Variants in HERC2 observed in about 807,000 individuals in gnomAD.
HERC2 encodes the protein HECT and RLD domain containing E3 ubiquitin protein ligase 2, also known as E3 ubiquitin-protein ligase HERC2.
HERC2 carries 102 observed loss-of-function variants against 537.7 expected under a neutral mutation model. That is an observed-to-expected ratio of 0.19 (90% CI 0.16 to 0.22). HERC2 has a LOEUF of 0.22. HERC2 is among the 10% of genes least tolerant of loss of function. The pLI is 1.00. For missense variants in HERC2, 4,236 were observed against 6,198.2 expected, an observed-to-expected ratio of 0.68 and a Z score of 10.63; for synonymous variants, 2,224 against 2,466.2, an observed-to-expected ratio of 0.90 and a Z score of 2.91.
At chr15:28,287,156 G>T (rs58764974) in intron 4 of HERC2, among the ~76,000 whole-genome samples, 12,888 of 152,068 alleles carry the variant, frequency 0.085, 1,005 homozygotes, top group East Asian at 0.42. Flanking sequence ...CTAAGCAAAA[G>T]AAAAAACAAA....
intron 21 of HERC2, among the ~76,000 whole-genome samples, chr15:28,248,308 C>T (rs987227479): frequency 6.6e-6 from 1 of 152,150 alleles, no homozygotes; most frequent in African/African-American, 2.4e-5. Context: ...CTAAACTGAA[C>T]ATACAGGATG....
At chr15:28,287,740 G>GTTTTTTTTTTTTTTTTTTTTTT (rs1461307820) in intron 4 of HERC2, among the ~76,000 whole-genome samples, 8 of 141,048 alleles carry the variant, frequency 5.7e-5, no homozygotes, top group Non-Finnish European at 7.5e-5. Flanking sequence ...TTTTTTTTTG[G>GTTTTTTTTTTTTTTTTTTTTTT]TTTGAGATGG....
chr15:28,279,651 A>ACACACACACACACACACACACAC (rs2075971136), intron 5 of HERC2, among the ~76,000 whole-genome samples: 2 of 150,944 alleles, frequency 1.3e-5, no homozygotes, highest in African/African-American at 4.9e-5. Flanking sequence ...ACACACACAC[A>ACACACACACACACACACACACAC]AATTGTTTTT....
At chr15:28,135,107 T>C (rs1890498493) in intron 79 of HERC2, among the ~76,000 whole-genome samples, 2 of 152,184 alleles carry the variant, frequency 1.3e-5, no homozygotes, top group African/African-American at 4.8e-5. Context: ...ATGGTGTCAA[T>C]TGTGCGTTCT....
intron 70 of HERC2, among the ~76,000 whole-genome samples, chr15:28,152,305 G>C (rs1251879011): frequency 4.6e-5 from 7 of 152,196 alleles, no homozygotes; most frequent in Non-Finnish European, 7.3e-5. Context: ...ATATACACGT[G>C]GGTAACAGAA....
intron 83 of HERC2, 117 bp downstream of exon 83, chr15:28,130,045 CA>C: frequency 7.8e-7 from 1 of 1,281,716 alleles, no homozygotes; most frequent in Non-Finnish European, 1.1e-6. Context: ...AGTGCTGGGG[CA>C]ACAGGAGTGA....
At position 28,292,869 on chromosome 15, in the gene HERC2, C is replaced by T; in HGVS notation, c.322+19G>A. 1.9e-6 allele frequency: 3 copies of T among 1,606,782 alleles called. No individual in the cohort carries two copies. The highest frequency in any genetic ancestry group is 2.5e-6 in the Non-Finnish European group (3 of 1,178,898). ...GCGTCAGATCAACCTTTCCAAAGTGCCAAAATTCACAAGATTACCTGGTTG... is the reference window on the plus strand; with the variant it reads ...GCGTCAGATCAACCTTTCCAAAGTGTCAAAATTCACAAGATTACCTGGTTG... On this transcript the variant is annotated intron_variant, in intron 4 of 92. Coordinates refer to ENST00000261609, the MANE Select transcript of HERC2 (RefSeq NM_004667.6).
Position 28,178,870 on chromosome 15 carries a change from T to G in HERC2, c.9163+17A>C, listed in dbSNP as rs1279842716. The G allele has an allele frequency of 6.2e-7, 1 of 1,610,232 alleles. No homozygotes were observed. Among genetic ancestry groups the G allele is most frequent in the Admixed American group, 1.7e-5 (1 of 59,828 alleles). On this transcript the variant is annotated intron_variant, in intron 59 of 92. Coordinates refer to ENST00000261609, the MANE Select transcript of HERC2 (RefSeq NM_004667.6). ...CAAAGGCCGCCCCGCACAGGCCTCC[T>G]GGTGCTTGGCTTGTACCTGAGTGAA... is the stretch of plus-strand genomic sequence containing the variant.
Position 28,233,138 on chromosome 15 carries a change from A to C in HERC2, c.4675+8T>G. The stretch of plus-strand genomic sequence containing the variant: ...TTAATAGTATCTTCTGTCCTTTTAC[A>C]TTCTTACCTCTCTTTTTCCTTCGTT... On this transcript the variant is annotated splice_region_variant and intron_variant, in intron 30 of 92. Coordinates refer to ENST00000261609, the MANE Select transcript of HERC2 (RefSeq NM_004667.6). 6.2e-7 allele frequency: 1 copy of C among 1,606,832 alleles called. No individual in the cohort carries two copies. The highest frequency in any genetic ancestry group is 8.5e-7 in the Non-Finnish European group (1 of 1,175,756).
Position 28,124,096 on chromosome 15 carries a change from C to T in HERC2, c.13129G>A (p.Gly4377Arg), listed in dbSNP as rs1484540298. The stretch of plus-strand genomic sequence containing the variant: ...TCGAACCCAACAGAAGGCCCGAGTC[C>T]AGTTTCGTCGAGCGAGCCTTCCAGG... The part of the protein sequence containing the change: ...FDLEGSLDET[G>R]LGPSVGFDTL... Residue 4377 changes from glycine (G) to arginine (R), a missense_variant, in exon 85 of 93, where the codon GGA becomes AGA. By Grantham distance (125) the Gly-to-Arg change is moderately radical. Coordinates refer to ENST00000261609, the MANE Select transcript of HERC2 (RefSeq NM_004667.6). 1.2e-6 allele frequency: 2 copies of T among 1,608,374 alleles called. No individual in the cohort carries two copies. Among genetic ancestry groups the T allele is most frequent in the African/African-American group, 2.7e-5 (2 of 74,770 alleles).
At chr15:28,309,365 A>G (rs902855985) in intron 2 of HERC2, among the ~76,000 whole-genome samples, 2 of 152,164 alleles carry the variant, frequency 1.3e-5, no homozygotes, top group African/African-American at 4.8e-5. Context: ...ATATACATAT[A>G]TTTATAATAG....
At chr15:28,300,395 T>C (rs988744799) in intron 2 of HERC2, among the ~76,000 whole-genome samples, 3 of 149,498 alleles carry the variant, frequency 2.0e-5, no homozygotes, top group Admixed American at 6.6e-5. Context: ...TAATATAATA[T>C]ACTATAATGA....
At chr15:28,278,034 T>C (rs1596375791) in intron 5 of HERC2, among the ~76,000 whole-genome samples, 1 of 150,474 alleles carries the variant, frequency 6.6e-6, no homozygotes, top group Non-Finnish European at 1.5e-5. Context: ...GGCGAGAGGG[T>C]TGCTTGAGCC....
At chr15:28,115,009 C>T (rs1888060174) in intron 89 of HERC2, among the ~76,000 whole-genome samples, 1 of 151,920 alleles carries the variant, frequency 6.6e-6, no homozygotes, top group Non-Finnish European at 1.5e-5. Flanking sequence ...ATTCACAATT[C>T]AGCCAAATGC....
intron 68 of HERC2, among the ~76,000 whole-genome samples, chr15:28,165,638 GAA>G (rs796828104): frequency 6.9e-6 from 1 of 144,286 alleles, no homozygotes; most frequent in African/African-American, 2.5e-5. Context: ...AAAAAAAAGA[GAA>G]AAAAAAAAAT....
At chr15:28,309,081 C>T (rs975627999) in intron 2 of HERC2, among the ~76,000 whole-genome samples, 29 of 152,356 alleles carry the variant, frequency 1.9e-4, no homozygotes, top group South Asian at 6.2e-4. Context: ...GCCTAACATA[C>T]GGTCTAACCT....
chr15:28,293,417 C>T (rs1433554689), intron 3 of HERC2, among the ~76,000 whole-genome samples: 8 of 150,438 alleles, frequency 5.3e-5, no homozygotes, highest in Admixed American at 2.7e-4. Flanking sequence ...GGCGTGAACC[C>T]GGGAGGCAGA....
At position 28,182,382 on chromosome 15, in the gene HERC2, C is replaced by G; in HGVS notation, c.8937+19G>C. 2 of 1,566,698 alleles carry G rather than the reference C, an allele frequency of 1.3e-6. No individual in the cohort carries two copies. Among genetic ancestry groups the G allele is most frequent in the Non-Finnish European group, 1.8e-6 (2 of 1,137,716 alleles). On this transcript the variant is annotated intron_variant, in intron 57 of 92. Coordinates refer to ENST00000261609, the MANE Select transcript of HERC2 (RefSeq NM_004667.6). Reference sequence around the variant, plus strand: ...TGCCGAGTGCCCCACCCTGCTGGGTCCCAGGGAGCAGGCCGTACCTTGGAG... The same window carrying G: ...TGCCGAGTGCCCCACCCTGCTGGGTGCCAGGGAGCAGGCCGTACCTTGGAG...
chr15:28,138,078 G>C (rs567634153), intron 78 of HERC2, among the ~76,000 whole-genome samples: 3 of 152,218 alleles, frequency 2.0e-5, no homozygotes, highest in Admixed American at 6.5e-5. Context: ...TTCCACGAAG[G>C]CTAACAGAGG....
Sources: gnomAD v4.1 joint callset for allele counts (sites outside exome capture counted in the v4.1 genomes callset) on GRCh38, gnomAD v4.1.1 for gene constraint, MANE v1.5 for transcripts, NCBI Gene and HGNC (gene_info 2026-07-23, HGNC 2026-07-21) for gene names.